The following TCF7L1 variants were observed in gnomAD, a reference collection of about 807,000 sequenced individuals.
TCF7L1 encodes transcription factor 7 like 1, also known as transcription factor 7-like 1.
In TCF7L1, 18 loss-of-function variants were observed where a neutral mutation model predicts 63.7. That is an observed-to-expected ratio of 0.28 (90% CI 0.20 to 0.42). TCF7L1 has a LOEUF of 0.42. Among genes scored for constraint, TCF7L1 ranks in the 10% least tolerant of loss-of-function variants. The pLI is 1.00. For synonymous variants in TCF7L1, 355 were observed against 340.9 expected, an observed-to-expected ratio of 1.04 and a Z score of -0.46; for missense variants, 654 against 779.3, an observed-to-expected ratio of 0.84 and a Z score of 1.91.
intron 3 of TCF7L1, among the ~76,000 whole-genome samples, chr2:85,266,740 G>A (rs1464035076): frequency 1.3e-5 from 2 of 152,234 alleles, no homozygotes. Flanking sequence ...GTATTCTTTT[G>A]TTGTGTTTTA....
chr2:85,152,579 C>T (rs1678042912), intron 3 of TCF7L1, among the ~76,000 whole-genome samples: 1 of 151,780 alleles, frequency 6.6e-6, no homozygotes, highest in African/African-American at 2.4e-5. Flanking sequence ...AGATTACAGG[C>T]ACGTGCCACC....
intron 3 of TCF7L1, among the ~76,000 whole-genome samples, chr2:85,139,010 T>C (rs1677658918): frequency 6.6e-6 from 1 of 152,106 alleles, no homozygotes; most frequent in African/African-American, 2.4e-5. Context: ...TTTTTTTTTT[T>C]CTTTTCTTTC....
chr2:85,265,462 C>A (rs982423866), intron 3 of TCF7L1, among the ~76,000 whole-genome samples: 1 of 152,206 alleles, frequency 6.6e-6, no homozygotes, highest in African/African-American at 2.4e-5. Context: ...GCGCCCAGAC[C>A]TTCCCCCAGA....
chr2:85,269,039 A>G (rs963753807), intron 3 of TCF7L1, among the ~76,000 whole-genome samples: 4 of 152,186 alleles, frequency 2.6e-5, no homozygotes, highest in Middle Eastern at 3.2e-3. Flanking sequence ...CTGCAGGTAC[A>G]TGAGAAGAGA....
intron 3 of TCF7L1, among the ~76,000 whole-genome samples, chr2:85,211,414 C>T (rs866728134): frequency 6.6e-6 from 1 of 152,202 alleles, no homozygotes; most frequent in Non-Finnish European, 1.5e-5. Flanking sequence ...GTATTACCAA[C>T]CTCAACAGGT....
rs115888150 is a variant in TCF7L1, at chr2:85,283,859, C to T, written c.525+281C>T. On this transcript the variant is annotated intron_variant, in intron 4 of 11. Transcript: ENST00000282111. ...TTCATCACAGAAGCCTGCCTGCGAT[C>T]CTTCCCGGCTGCCATCTGAACCCGC... 3.0e-3 allele frequency among the ~76,000 whole-genome samples: 450 copies of T among 152,358 alleles called. 2 individuals carry two copies. The highest frequency in any genetic ancestry group is 0.014 in the Middle Eastern group (4 of 294).
intron 11 of TCF7L1, 91 bp downstream of exon 11, chr2:85,307,808 G>A (rs1316976331): frequency 3.3e-6 from 4 of 1,215,828 alleles, no homozygotes; most frequent in Non-Finnish European, 4.8e-6. Context: ...GATGGGTCAG[G>A]GCTTCTGCCT....
Position 85,191,586 on chromosome 2 carries a change from G to A in TCF7L1, c.441+57136G>A, listed in dbSNP as rs149198466. Among the ~76,000 whole-genome samples the A allele has an allele frequency of 1.9e-4, 29 of 152,246 alleles. No homozygotes were observed. In the East Asian group the frequency reaches 4.4e-3, roughly 23 times the overall value. ...TCATGCCTGTAATCCCAGCACTTTC[G>A]GAGGCTGAGGAGGGCAGATCACGAG... On this transcript the variant is annotated intron_variant, in intron 3 of 11. Coordinates refer to ENST00000282111, the MANE Select transcript of TCF7L1 (RefSeq NM_031283.3).
intron 3 of TCF7L1, among the ~76,000 whole-genome samples, chr2:85,234,234 C>T (rs558284216): frequency 2.1e-5 from 3 of 144,638 alleles, no homozygotes; most frequent in South Asian, 4.5e-4. Flanking sequence ...CTCCCAGGTT[C>T]AGGCGATTCT....
intron 3 of TCF7L1, among the ~76,000 whole-genome samples, chr2:85,219,174 A>G (rs373694211): frequency 9.9e-5 from 15 of 152,182 alleles, no homozygotes; most frequent in Non-Finnish European, 1.6e-4. Flanking sequence ...TTTTTTCCCC[A>G]GAAAATGCTG....
intron 3 of TCF7L1, among the ~76,000 whole-genome samples, chr2:85,276,622 C>G (rs1180388681): frequency 2.6e-5 from 4 of 152,184 alleles, no homozygotes; most frequent in Admixed American, 2.0e-4. Context: ...TTCTAAACAC[C>G]AGTCACATCT....
At chr2:85,157,521 C>T (rs888366339) in intron 3 of TCF7L1, among the ~76,000 whole-genome samples, 1 of 152,216 alleles carries the variant, frequency 6.6e-6, no homozygotes, top group African/African-American at 2.4e-5. Flanking sequence ...ATTCACCCAG[C>T]CCCTGCCATG....
rs774118850 is a variant in TCF7L1 at position 85,304,284 on chromosome 2, C to G, written c.791C>G (p.Pro264Arg). The change falls in exon 7 of 12, where the codon CCC becomes CGC. Residue 264 changes from proline to arginine, a missense_variant. Physicochemically the swap from Pro to Arg is moderately radical, Grantham distance 103 (BLOSUM62 -2). Around this residue, in one of 3 missense-constraint regions of TCF7L1, gnomAD observed 404 missense variants for 454.8 expected, o/e 0.89. Transcript: ENST00000282111. ...QQGQPMYSLP[P>R]GGFRHPYPAL... is the part of the protein sequence containing the mutation. ...GGCCAGCCCATGTACTCCCTTCCTC[C>G]CGGTGGCTTCCGGCACCCTTACCCC... 6.2e-7 allele frequency: 1 copy of G among 1,614,088 alleles called. No individual in the cohort carries two copies. Among genetic ancestry groups the G allele is most frequent in the Non-Finnish European group, 8.5e-7 (1 of 1,179,982 alleles).
chr2:85,168,437 G>T (rs1678470921), intron 3 of TCF7L1, among the ~76,000 whole-genome samples: 1 of 152,110 alleles, frequency 6.6e-6, no homozygotes. Flanking sequence ...AGGGGTAGGG[G>T]TGGTTTAACC....
chr2:85,160,369 C>A (rs1341158863), intron 3 of TCF7L1, among the ~76,000 whole-genome samples: 1 of 152,124 alleles, frequency 6.6e-6, no homozygotes, highest in Non-Finnish European at 1.5e-5. Context: ...GGATCACAGG[C>A]ATGTGTCACC....
chr2:85,133,948 C>A lies in TCF7L1; in HGVS notation c.249+15C>A. The A allele has an allele frequency of 6.5e-7, 1 of 1,549,016 alleles. No individual in the cohort carries two copies. The highest frequency in any genetic ancestry group is 1.2e-5 in the South Asian group (1 of 82,940). ...CGGACTCGGAGGTAAGGAAGCACCG[C>A]GGCCACCCCCGGGGGATCCCGGCCC... On this transcript the variant is annotated intron_variant, in intron 1 of 11. Coordinates refer to ENST00000282111, the MANE Select transcript of TCF7L1 (RefSeq NM_031283.3). This position sits in a 1 kb window ranked among gnomAD's most constrained non-coding sequence, Gnocchi z 4.4.
chr2:85,297,608 T>C (rs1451599753), intron 4 of TCF7L1, among the ~76,000 whole-genome samples: 1 of 152,090 alleles, frequency 6.6e-6, no homozygotes, highest in Non-Finnish European at 1.5e-5. Flanking sequence ...GGCAGATTGC[T>C]TAGTCCAGGA....
chr2:85,170,330 T>G (rs961883479), intron 3 of TCF7L1, among the ~76,000 whole-genome samples: 3 of 152,168 alleles, frequency 2.0e-5, no homozygotes, highest in Non-Finnish European at 4.4e-5. Context: ...TAAAATCAAG[T>G]CAATTTTGGA....
intron 4 of TCF7L1, among the ~76,000 whole-genome samples, chr2:85,294,200 C>G (rs950809633): frequency 3.3e-5 from 5 of 151,926 alleles, no homozygotes; most frequent in African/African-American, 1.2e-4. Flanking sequence ...CCACGCCCGG[C>G]TAATTTTTTG....
Sources: gnomAD v4.1 joint callset for allele counts (sites outside exome capture counted in the v4.1 genomes callset) on GRCh38, gnomAD v4.1.1 for gene constraint, gnomAD v4.1.1 regional missense constraint, Gnocchi (gnomAD v3.1) non-coding constraint, MANE v1.5 for transcripts, NCBI Gene and HGNC (gene_info 2026-07-23, HGNC 2026-07-21) for gene names.